Variants in NEU3 observed in about 807,000 individuals in gnomAD.
NEU3 encodes the protein neuraminidase 3.
A neutral mutation model predicts 11.4 loss-of-function variants in NEU3; 10 were observed. The observed-to-expected ratio is 0.88, with a 90% CI of 0.54 to 1.49. The LOEUF (loss-of-function observed/expected upper bound fraction) is 1.49, where lower values mean the gene tolerates loss of function less well. NEU3 is among the 40% of genes most tolerant of loss of function. The pLI is 0.00. For missense variants in NEU3, 529 were observed against 581.8 expected, an observed-to-expected ratio of 0.91 and a Z score of 0.93; for synonymous variants, 212 against 228.2, an observed-to-expected ratio of 0.93 and a Z score of 0.64.
At position 74,989,028 on chromosome 11, in the gene NEU3, C is replaced by T. The variant is rs1226704445; in HGVS notation, c.-33C>T. ...CCTCCTCTGTCTCAGTCTCCCCAGCCTTGGGGCCGGTGCCTCTTCCGGGCT... is the reference window on the plus strand; with the variant it reads ...CCTCCTCTGTCTCAGTCTCCCCAGCTTTGGGGCCGGTGCCTCTTCCGGGCT... On this transcript the variant is annotated 5_prime_UTR_variant, in exon 1 of 3. Transcript: ENST00000294064. 6.6e-7 allele frequency: 1 copy of T among 1,516,458 alleles called. No individual in the cohort carries two copies. Among genetic ancestry groups the T allele is most frequent in the Non-Finnish European group, 9.0e-7 (1 of 1,117,038 alleles). The allele number at this position is 1,516,458 out of a possible 1,614,324, so 93.9% of individuals were successfully genotyped here.
At chr11:75,019,080 T>C (rs912468530), downstream of NEU3, among the ~76,000 whole-genome samples, 10 of 152,196 alleles carry the variant, frequency 6.6e-5, no homozygotes, top group East Asian at 1.9e-4. Context: ...CAGAAGAAAT[T>C]TCTAAGTGGC....
In NEU3 at chr11:75,005,826, C is replaced by T. The variant is rs1451599919; in HGVS notation, c.720C>T (p.Asp240=). Residue 240 remains aspartate, a synonymous_variant, in exon 3 of 3, where the codon GAC becomes GAT. Coordinates refer to ENST00000294064, the MANE Select transcript of NEU3 (RefSeq NM_006656.6). ...ATTCTCTGATGATCTACAGTGATGACCTAGGGGTCACATGGCACCATGGTA... is the reference window on the plus strand; with the variant it reads ...ATTCTCTGATGATCTACAGTGATGATCTAGGGGTCACATGGCACCATGGTA... The part of the protein sequence containing the change: ...RPHSLMIYSD[D]LGVTWHHGRL... The T allele has an allele frequency of 1.2e-6, 2 of 1,613,968 alleles. No individual in the cohort carries two copies. Among genetic ancestry groups the T allele is most frequent in the Admixed American group, 3.3e-5 (2 of 60,012 alleles).
At chr11:75,003,145 G>A (rs573085426) in intron 2 of NEU3, among the ~76,000 whole-genome samples, 20 of 152,310 alleles carry the variant, frequency 1.3e-4, no homozygotes, top group African/African-American at 4.8e-4. Context: ...GTTTTCTAGA[G>A]TGATGGTTTT....
intron 2 of NEU3, among the ~76,000 whole-genome samples, chr11:74,996,105 G>A (rs1351678074): frequency 6.6e-6 from 1 of 152,130 alleles, no homozygotes; most frequent in African/African-American, 2.4e-5. Context: ...AGTGAGCTGC[G>A]ATTGTGCCAC....
chr11:75,014,811 A>C (rs896642124), downstream of NEU3, among the ~76,000 whole-genome samples: 1 of 152,146 alleles, frequency 6.6e-6, no homozygotes, highest in African/African-American at 2.4e-5. Context: ...GGCTGCTGTG[A>C]GCTGTGATTG....
intron 2 of NEU3, among the ~76,000 whole-genome samples, chr11:74,999,266 C>A (rs1490581586): frequency 2.0e-5 from 3 of 152,202 alleles, no homozygotes; most frequent in African/African-American, 7.2e-5. Flanking sequence ...CTCACCTAAG[C>A]CTCCTGAGTA....
chr11:75,003,175 T>A (rs1948863177), intron 2 of NEU3, among the ~76,000 whole-genome samples: 1 of 152,198 alleles, frequency 6.6e-6, no homozygotes. Context: ...TCTGCCTCAG[T>A]TCCATCCTTA....
intron 1 of NEU3, 43 bp from the exon 2 acceptor site, chr11:74,994,466 A>G (rs1324699620): frequency 6.8e-7 from 1 of 1,477,690 alleles, no homozygotes. Flanking sequence ...GCAGGCCAGC[A>G]TCTGGGTATG....
chr11:75,019,395 G>A (rs567476598), downstream of NEU3, among the ~76,000 whole-genome samples: 35 of 152,302 alleles, frequency 2.3e-4, no homozygotes, highest in South Asian at 8.3e-4. Context: ...CAGGGTCCCC[G>A]TGCTGTGTGC....
chr11:74,989,152 C>G lies in NEU3; in HGVS notation c.92C>G (p.Ala31Gly). 6.4e-7 allele frequency: 1 copy of G among 1,550,816 alleles called. No individual in the cohort carries two copies. Among genetic ancestry groups the G allele is most frequent in the Non-Finnish European group, 8.7e-7 (1 of 1,146,618 alleles). ...GAGACGGAGGAGCCGGGGTCCAGTG[C>G]AGGTGAGCGGGGTTGGGAGACAGGA... ...PTETEEPGSSAEVMEEVTTCS... is the reference protein window; with the variant it reads ...PTETEEPGSSGEVMEEVTTCS... Residue 31 changes from alanine to glycine, a missense_variant and splice_region_variant, in exon 1 of 3, where the codon GCA becomes GGA. Ala to Gly is a moderately conservative substitution (Grantham distance 60). Coordinates refer to ENST00000294064, the MANE Select transcript of NEU3 (RefSeq NM_006656.6).
At chr11:74,987,247 G>A (rs1055540971), upstream of NEU3, among the ~76,000 whole-genome samples, 2 of 152,168 alleles carry the variant, frequency 1.3e-5, no homozygotes, top group Non-Finnish European at 2.9e-5. Flanking sequence ...AAACTCTGAG[G>A]TGACCAAAGT....
At chr11:75,015,652 T>C (rs1476001409), downstream of NEU3, among the ~76,000 whole-genome samples, 2 of 152,154 alleles carry the variant, frequency 1.3e-5, no homozygotes, top group African/African-American at 2.4e-5. Context: ...GTTATGGTAC[T>C]TACTTCTTCA....
At chr11:75,013,930 G>A (rs997797149), downstream of NEU3, among the ~76,000 whole-genome samples, 2 of 152,178 alleles carry the variant, frequency 1.3e-5, no homozygotes, top group Non-Finnish European at 2.9e-5. Flanking sequence ...AGGTTGATAT[G>A]AGGCAAAGAT....
the NEU3 span, among the ~76,000 whole-genome samples, chr11:74,981,584 C>T: frequency 3.1e-3 from 474 of 152,302 alleles, 11 homozygotes; most frequent in Admixed American, 0.022. Flanking sequence ...GTGCAAACAT[C>T]ATGCTCATGT....
At chr11:74,991,889 C>T (rs947767329) in intron 1 of NEU3, among the ~76,000 whole-genome samples, 1 of 152,182 alleles carries the variant, frequency 6.6e-6, no homozygotes, top group African/African-American at 2.4e-5. Flanking sequence ...AGGCATAGTT[C>T]TAGGTGTCAA....
downstream of NEU3, among the ~76,000 whole-genome samples, chr11:75,019,498 A>G (rs1948994062): frequency 6.6e-6 from 1 of 152,240 alleles, no homozygotes; most frequent in Non-Finnish European, 1.5e-5. Context: ...AGAGGGTGCA[A>G]ACATCAAGCC....
chr11:74,984,982 G>A (rs1193941217), upstream of NEU3, among the ~76,000 whole-genome samples: 1 of 152,198 alleles, frequency 6.6e-6, no homozygotes, highest in African/African-American at 2.4e-5. Flanking sequence ...CAGCTAGGAA[G>A]TGGGAAGAGA....
At chr11:74,994,455 T>A in intron 1 of NEU3, 54 bp from the exon 2 acceptor site, 1 of 1,403,880 alleles carries the variant, frequency 7.1e-7, no homozygotes, top group Non-Finnish European at 9.7e-7. Context: ...AGAATTTATA[T>A]GCAGGCCAGC....
chr11:74,994,411 C>A (rs1948764372), intron 1 of NEU3, 98 bp from the exon 2 acceptor site: 2 of 845,650 alleles, frequency 2.4e-6, no homozygotes, highest in South Asian at 2.1e-5. Flanking sequence ...CTGTGCCCCC[C>A]CACCTTTGCT....
Sources: allele counts gnomAD v4.1 joint callset (sites outside exome capture counted in the v4.1 genomes callset), GRCh38; gene constraint gnomAD v4.1.1; transcripts MANE v1.5; gene names NCBI Gene and HGNC (gene_info 2026-07-23, HGNC 2026-07-21).